The following C1GALT1 variants were observed in gnomAD, a reference collection of about 807,000 sequenced individuals.
The protein encoded by C1GALT1 is core 1 synthase, glycoprotein-N-acetylgalactosamine 3-beta-galactosyltransferase 1, also known as glycoprotein-N-acetylgalactosamine 3-beta-galactosyltransferase 1.
Under a neutral mutation model 31.0 loss-of-function variants are expected in C1GALT1, and 11 were observed. The observed-to-expected ratio is 0.36, with a 90% CI of 0.22 to 0.59. The LOEUF is 0.59. C1GALT1 is among the 20% of genes least tolerant of loss of function. The probability of loss-of-function intolerance (pLI) is 0.79; values close to 1 mark genes in which losing one functional copy is unlikely to be tolerated. For missense variants in C1GALT1, 424 were observed against 425.2 expected (o/e 1.00, Z 0.03); for synonymous variants, 175 against 143.6 (o/e 1.22, Z -1.56).
At chr7:7,162,529 G>A (rs201121418) in intron 2 of C1GALT1, among the ~76,000 whole-genome samples, 1 of 151,458 alleles carries the variant, frequency 6.6e-6, no homozygotes, top group Admixed American at 6.6e-5. Flanking sequence ...TGGACATTTG[G>A]GTTGGTTCCA....
At chr7:7,200,810 C>T (rs1781499762) in intron 1 of C1GALT1, among the ~76,000 whole-genome samples, 1 of 152,226 alleles carries the variant, frequency 6.6e-6, no homozygotes, top group Non-Finnish European at 1.5e-5. Context: ...CTTGTGCATG[C>T]ATCACGTAGT....
intron 1 of C1GALT1, among the ~76,000 whole-genome samples, chr7:7,206,755 A>ATT (rs112861661): frequency 1.1e-3 from 163 of 144,982 alleles, no homozygotes; most frequent in African/African-American, 3.8e-3. Flanking sequence ...CATGGTTGGC[A>ATT]TTTTTTTTTT....
At chr7:7,201,109 T>C (rs1781513959) in intron 1 of C1GALT1, among the ~76,000 whole-genome samples, 1 of 152,226 alleles carries the variant, frequency 6.6e-6, no homozygotes, top group African/African-American at 2.4e-5. Flanking sequence ...GCTTTTCTGC[T>C]CTGGTTTCTC....
In C1GALT1 at chr7:7,202,238, A is replaced by G. The variant is rs149189533; in HGVS notation, c.-18+19418A>G. On this transcript the variant is annotated intron_variant, in intron 1 of 3. Coordinates refer to ENST00000436587, the MANE Select transcript of C1GALT1 (RefSeq NM_020156.5). ...GTAAACTGCTTCCTTTGAAAGGTCTATGGATTCTCTCGGCTTTCCTGGTAC... is the reference window on the plus strand; with the variant it reads ...GTAAACTGCTTCCTTTGAAAGGTCTGTGGATTCTCTCGGCTTTCCTGGTAC... Among the ~76,000 whole-genome samples the G allele has an allele frequency of 3.9e-3, 600 of 152,232 alleles. 2 individuals are homozygous for G. The highest frequency in any genetic ancestry group is 0.017 in the Middle Eastern group (5 of 294).
At chr7:7,183,639 G>T (rs1780689044) in intron 1 of C1GALT1, 2 of 976,662 alleles carry the variant, frequency 2.0e-6, no homozygotes, top group Non-Finnish European at 2.4e-6. Flanking sequence ...TAGCGCTGTG[G>T]ATTTATTCTT....
rs544890332 is a variant in C1GALT1 at position 7,239,659 on chromosome 7, T to C, written c.888+737T>C. ...GCATTTAATAAGCCTTGGCTCACAT[T>C]CCTGAGAATTTTATCTAAAGTGCAT... On this transcript the variant is annotated intron_variant, in intron 3 of 3. Transcript: ENST00000436587. 3.1e-4 allele frequency among the ~76,000 whole-genome samples: 47 copies of C among 152,282 alleles called. No individual in the cohort carries two copies. The South Asian group carries it at 6.4e-3, about 21-fold the overall frequency.
At chr7:7,162,871 G>A (rs1345383419) in intron 2 of C1GALT1, among the ~76,000 whole-genome samples, 1 of 152,146 alleles carries the variant, frequency 6.6e-6, no homozygotes, top group Non-Finnish European at 1.5e-5. Flanking sequence ...GGCCAGCGAT[G>A]GTGAGCATTT....
intron 1 of C1GALT1, among the ~76,000 whole-genome samples, chr7:7,220,530 T>C (rs58407878): frequency 2.0e-5 from 3 of 151,982 alleles, no homozygotes; most frequent in African/African-American, 7.2e-5. Context: ...TTTATTCTTT[T>C]TTTTTTGAGA....
At chr7:7,180,112 C>G (rs1780553439), upstream of C1GALT1, among the ~76,000 whole-genome samples, 1 of 152,200 alleles carries the variant, frequency 6.6e-6, no homozygotes, top group Admixed American at 6.5e-5. Flanking sequence ...GTCTACCGAC[C>G]TACTCCAACG....
At chr7:7,197,491 GTT>G (rs894134353) in intron 1 of C1GALT1, among the ~76,000 whole-genome samples, 7 of 152,046 alleles carry the variant, frequency 4.6e-5, no homozygotes, top group Non-Finnish European at 7.4e-5. Flanking sequence ...CTCCAGCTTT[GTT>G]TTTTTGGCTT....
intron 1 of C1GALT1, among the ~76,000 whole-genome samples, chr7:7,228,250 A>G (rs932363996): frequency 1.3e-5 from 2 of 152,214 alleles, no homozygotes; most frequent in African/African-American, 4.8e-5. Flanking sequence ...TTTTTTAACA[A>G]TGAATAGCAT....
rs1443746399 is a variant in C1GALT1 at position 7,238,708 on chromosome 7, A to C, written c.674A>C (p.Asp225Ala). Residue 225 changes from aspartate to alanine, a missense_variant, in exon 3 of 4, where the codon GAT (aspartate) becomes GCT (alanine). Physicochemically the swap from Asp to Ala is moderately radical, Grantham distance 126. This residue lies in a region of C1GALT1 where 191 missense variants were observed against 188.8 expected (regional missense o/e 1.01). Transcript: ENST00000436587. This position sits in a 1 kb window ranked among gnomAD's most constrained non-coding sequence, Gnocchi z 5.2. Reference protein sequence around the residue: ...LSKEALKRFVDAFKTDKCTHS... With the variant: ...LSKEALKRFVAAFKTDKCTHS... Reference sequence around the variant, plus strand: ...AAAGAAGCCTTGAAAAGATTTGTTGATGCATTTAAAACAGACAAGTGTACA... The same window carrying C: ...AAAGAAGCCTTGAAAAGATTTGTTGCTGCATTTAAAACAGACAAGTGTACA... The C allele has an allele frequency of 1.9e-6, 3 of 1,613,946 alleles. No individual in the cohort carries two copies. The highest frequency in any genetic ancestry group is 2.5e-6 in the Non-Finnish European group (3 of 1,179,962).
intron 1 of C1GALT1, among the ~76,000 whole-genome samples, chr7:7,222,354 A>G (rs1347851627): frequency 6.6e-6 from 1 of 152,178 alleles, no homozygotes; most frequent in East Asian, 1.9e-4. Context: ...TTAAAGATTG[A>G]GAGACTTCGT....
intron 1 of C1GALT1, among the ~76,000 whole-genome samples, chr7:7,211,932 A>G (rs1782025023): frequency 6.6e-6 from 1 of 152,234 alleles, no homozygotes; most frequent in Non-Finnish European, 1.5e-5. Flanking sequence ...TGACAAATGT[A>G]TGATAAGCTT....
At chr7:7,197,721 G>A (rs1399221094) in intron 1 of C1GALT1, among the ~76,000 whole-genome samples, 2 of 152,096 alleles carry the variant, frequency 1.3e-5, no homozygotes, top group African/African-American at 2.4e-5. Context: ...ATTTTGTTGA[G>A]CAGTGGTTTG....
intron 1 of C1GALT1, among the ~76,000 whole-genome samples, chr7:7,209,788 T>C (rs1781908992): frequency 6.6e-6 from 1 of 152,214 alleles, no homozygotes; most frequent in Admixed American, 6.5e-5. Context: ...AATAAAGCTT[T>C]TTATTTCACC....
At chr7:7,230,952 C>T (rs188990791) in intron 1 of C1GALT1, among the ~76,000 whole-genome samples, 23 of 152,108 alleles carry the variant, frequency 1.5e-4, no homozygotes, top group African/African-American at 5.6e-4. Flanking sequence ...GATTTACTTA[C>T]ATACATACCC....
upstream of C1GALT1, chr7:7,178,228 T>C (rs975253654): frequency 8.7e-6 from 2 of 229,892 alleles, no homozygotes; most frequent in East Asian, 1.1e-4. Flanking sequence ...TTGGTAGACC[T>C]GAGAAATGTA....
chr7:7,181,453 T>C (rs1263571667), upstream of C1GALT1, among the ~76,000 whole-genome samples: 1 of 152,214 alleles, frequency 6.6e-6, no homozygotes, highest in Non-Finnish European at 1.5e-5. Flanking sequence ...CTTAGTTTTG[T>C]CATCTGAAAA....
Sources: gnomAD v4.1 joint callset for allele counts (sites outside exome capture counted in the v4.1 genomes callset) on GRCh38, gnomAD v4.1.1 for gene constraint, gnomAD v4.1.1 regional missense constraint, Gnocchi (gnomAD v3.1) non-coding constraint, MANE v1.5 for transcripts, NCBI Gene and HGNC (gene_info 2026-07-23, HGNC 2026-07-21) for gene names.